FANCC: variants seen among roughly 807,000 people sequenced by gnomAD.
The protein encoded by FANCC is FA complementation group C.
A neutral mutation model predicts 71.3 loss-of-function variants in FANCC; 55 were observed. The observed-to-expected ratio is 0.77, with a 90% CI of 0.62 to 0.97. The LOEUF (loss-of-function observed/expected upper bound fraction) is 0.97. Among genes scored for constraint, FANCC ranks in the 50% least tolerant of loss-of-function variants. The pLI is 0.00. For missense variants in FANCC, 678 were observed against 670.9 expected (o/e 1.01, Z -0.12); for synonymous variants, 275 against 244.9 (o/e 1.12, Z -1.15).
chr9:95,102,042 C>T (rs1192512968), intron 14 of FANCC, among the ~76,000 whole-genome samples, 192 bp from the exon 15 acceptor site: 1 of 152,186 alleles, frequency 6.6e-6, no homozygotes, highest in African/African-American at 2.4e-5. Flanking sequence ...CCAAGGCTGG[C>T]TACACAGTGA....
intron 4 of FANCC, among the ~76,000 whole-genome samples, chr9:95,204,444 T>C (rs886427513): frequency 6.6e-6 from 1 of 152,172 alleles, no homozygotes; most frequent in Non-Finnish European, 1.5e-5. Flanking sequence ...GGCAGCCCAC[T>C]TGGTGGGAAC....
intron 14 of FANCC, among the ~76,000 whole-genome samples, chr9:95,106,734 T>C (rs928184277): frequency 5.3e-5 from 8 of 152,164 alleles, no homozygotes; most frequent in African/African-American, 7.2e-5. Context: ...CTTCTTTCCA[T>C]GAGGAGGAGG....
intron 12 of FANCC, chr9:95,113,732 C>T (rs1380794531): frequency 6.6e-6 from 1 of 151,864 alleles, no homozygotes; most frequent in Admixed American, 6.6e-5. Context: ...ATGCCATTCT[C>T]CTGCCTCAGC....
intron 1 of FANCC, among the ~76,000 whole-genome samples, chr9:95,291,562 A>G (rs1833998362): frequency 6.6e-6 from 1 of 152,174 alleles, no homozygotes; most frequent in Non-Finnish European, 1.5e-5. Context: ...GAAAACTATA[A>G]AATATTGAAA....
chr9:95,184,010 T>C (rs945777384), intron 4 of FANCC, among the ~76,000 whole-genome samples: 1 of 152,170 alleles, frequency 6.6e-6, no homozygotes, highest in African/African-American at 2.4e-5. Context: ...ACCAGTCTAT[T>C]CAGTCCTGGG....
rs1162981392 is a variant in FANCC at position 95,179,229 on chromosome 9, A to C, written c.346-7082T>G. Among the ~76,000 whole-genome samples, 3 of 152,214 alleles carry C rather than the reference A, an allele frequency of 2.0e-5. No homozygotes were observed. In the East Asian group the frequency reaches 5.8e-4, roughly 29 times the overall value. On this transcript the variant is annotated intron_variant, in intron 4 of 14. Transcript: ENST00000289081. ...AGATAAAAGAGACCTTGTAGTTAGC[A>C]TGTGCTCTATGAATCTGTACTTTGT...
chr9:95,241,729 A>G (rs1038677248), intron 3 of FANCC, among the ~76,000 whole-genome samples: 24 of 152,008 alleles, frequency 1.6e-4, no homozygotes, highest in African/African-American at 5.8e-4. Context: ...GCATGATCTC[A>G]GCTCAGTGAA....
At chr9:95,137,830 A>C (rs1242179258) in intron 7 of FANCC, among the ~76,000 whole-genome samples, 2 of 152,204 alleles carry the variant, frequency 1.3e-5, no homozygotes, top group Non-Finnish European at 2.9e-5. Flanking sequence ...TCATCAGAGC[A>C]CGAGAAGATA....
chr9:95,245,813 C>G (rs1830931290), intron 3 of FANCC, among the ~76,000 whole-genome samples: 1 of 151,460 alleles, frequency 6.6e-6, no homozygotes, highest in Admixed American at 6.6e-5. Context: ...AGGAGAATCA[C>G]TTGAACCCGG....
intron 1 of FANCC, among the ~76,000 whole-genome samples, chr9:95,279,897 G>C (rs1833275693): frequency 7.4e-6 from 1 of 135,800 alleles, no homozygotes. Context: ...GCAGTGAGCA[G>C]AGATCGTGCC....
At chr9:95,252,521 C>T (rs1490644523) in intron 1 of FANCC, among the ~76,000 whole-genome samples, 4 of 151,220 alleles carry the variant, frequency 2.6e-5, no homozygotes, top group Non-Finnish European at 4.4e-5. Context: ...CAGAGACGGG[C>T]GGATCACGAG....
intron 6 of FANCC, among the ~76,000 whole-genome samples, chr9:95,168,030 A>G (rs1220421470): frequency 2.6e-5 from 4 of 152,144 alleles, no homozygotes; most frequent in African/African-American, 9.7e-5. Flanking sequence ...TTCCAGGGAT[A>G]TATCTTCTCT....
intron 11 of FANCC, among the ~76,000 whole-genome samples, chr9:95,116,798 A>G (rs1449830133): frequency 2.0e-5 from 3 of 152,210 alleles, no homozygotes; most frequent in African/African-American, 4.8e-5. Flanking sequence ...CTGGCAAAGG[A>G]TATCAGGAGA....
chr9:95,247,129 T>A (rs1831032145), intron 3 of FANCC, among the ~76,000 whole-genome samples: 1 of 152,174 alleles, frequency 6.6e-6, no homozygotes, highest in African/African-American at 2.4e-5. Flanking sequence ...CAGGCAAAAG[T>A]AGATATTTAA....
intron 1 of FANCC, among the ~76,000 whole-genome samples, chr9:95,314,392 G>A (rs921903522): frequency 6.6e-6 from 1 of 152,064 alleles, no homozygotes; most frequent in Non-Finnish European, 1.5e-5. Context: ...AGTGACTCAC[G>A]CCTGTAATCC....
chr9:95,116,526 C>A (rs1054742724), intron 11 of FANCC, among the ~76,000 whole-genome samples: 3 of 152,194 alleles, frequency 2.0e-5, no homozygotes, highest in Admixed American at 6.5e-5. Context: ...CCCAAAATGG[C>A]ATAAAAAGGA....
intron 4 of FANCC, among the ~76,000 whole-genome samples, chr9:95,217,410 A>G (rs927557920): frequency 2.6e-5 from 4 of 151,990 alleles, no homozygotes; most frequent in African/African-American, 9.7e-5. Context: ...GCATGAACCC[A>G]GGAGGCAGAG....
intron 1 of FANCC, among the ~76,000 whole-genome samples, chr9:95,263,514 ATATC>A (rs1408850289): frequency 6.9e-6 from 1 of 145,864 alleles, no homozygotes; most frequent in African/African-American, 2.5e-5. Flanking sequence ...ATATATATAT[ATATC>A]TATATATATA....
rs368657629 is a variant in FANCC, at chr9:95,116,375, G to A, written c.1072+940C>T. ...TAGCTCCAGCATCTGAGAAGACAGT[G>A]TTAGGGGATCACCCTGGGCAAGAAC... is the stretch of plus-strand genomic sequence containing the variant. On this transcript the variant is annotated intron_variant, in intron 11 of 14. Coordinates refer to ENST00000289081, the MANE Select transcript of FANCC (RefSeq NM_000136.3). Among the ~76,000 whole-genome samples the A allele has an allele frequency of 1.4e-4, 22 of 152,332 alleles. 1 individual carries two copies. The East Asian group carries it at 2.3e-3, about 16-fold the overall frequency.
Sources: allele counts gnomAD v4.1 joint callset (sites outside exome capture counted in the v4.1 genomes callset), GRCh38; gene constraint gnomAD v4.1.1; transcripts MANE v1.5; gene names NCBI Gene and HGNC (gene_info 2026-07-23, HGNC 2026-07-21).